Variants in CSMD1 observed in about 807,000 individuals in gnomAD.
CSMD1 encodes CUB and Sushi multiple domains 1.
In CSMD1, 213 loss-of-function variants were observed where a neutral mutation model predicts 417.5. The observed-to-expected ratio is 0.51, with a 90% CI of 0.46 to 0.57. CSMD1 has a LOEUF of 0.57. Among genes scored for constraint, CSMD1 ranks in the 20% least tolerant of loss-of-function variants. CSMD1 has a pLI of 0.00. For synonymous variants in CSMD1, 2,862 were observed against 1,736.8 expected (o/e 1.65, Z -16.11); for missense variants, 6,923 against 4,529.7 (o/e 1.53, Z -15.17).
At chr8:3,036,772 C>T (rs568933582) in intron 50 of CSMD1, among the ~76,000 whole-genome samples, 4 of 152,166 alleles carry the variant, frequency 2.6e-5, no homozygotes, top group African/African-American at 4.8e-5. Flanking sequence ...TTAAAAAACC[C>T]GTCCACCAAG....
chr8:4,353,685 A>T (rs538973420), intron 3 of CSMD1, among the ~76,000 whole-genome samples: 18 of 152,250 alleles, frequency 1.2e-4, no homozygotes, highest in Admixed American at 9.8e-4. Flanking sequence ...CTCAGAATTC[A>T]CAATCAGGCA....
At chr8:3,450,178 G>A (rs62505627) in intron 12 of CSMD1, among the ~76,000 whole-genome samples, 13,439 of 152,164 alleles carry the variant, frequency 0.088, 646 homozygotes, top group Middle Eastern at 0.14. Context: ...ACACTCAGGC[G>A]GCCTCCAGCC....
chr8:4,413,302 C>T (rs1054683205), intron 3 of CSMD1, among the ~76,000 whole-genome samples: 9 of 152,164 alleles, frequency 5.9e-5, no homozygotes, highest in African/African-American at 2.2e-4. Context: ...TCCTTGGGCT[C>T]TGTGCTTTTA....
intron 37 of CSMD1, among the ~76,000 whole-genome samples, chr8:3,178,658 G>C (rs763081262): frequency 1.3e-5 from 2 of 152,076 alleles, no homozygotes; most frequent in Non-Finnish European, 2.9e-5. Context: ...CAAAAATATA[G>C]GGCTGTTTTA....
intron 1 of CSMD1, among the ~76,000 whole-genome samples, chr8:4,981,006 T>C (rs1247656211): frequency 6.6e-6 from 1 of 152,212 alleles, no homozygotes; most frequent in African/African-American, 2.4e-5. Context: ...ACAATTATTA[T>C]TTCACTTAGA....
intron 20 of CSMD1, among the ~76,000 whole-genome samples, chr8:3,361,021 G>A (rs572292590): frequency 7.2e-5 from 11 of 152,074 alleles, no homozygotes; most frequent in African/African-American, 2.7e-4. Flanking sequence ...AATTATCTTT[G>A]CGTTTAGATA....
intron 5 of CSMD1, among the ~76,000 whole-genome samples, chr8:3,847,814 A>C (rs1430850715): frequency 2.6e-5 from 4 of 152,194 alleles, no homozygotes; most frequent in African/African-American, 9.7e-5. Flanking sequence ...ATAATTGCAC[A>C]TCAAACCTCA....
intron 5 of CSMD1, among the ~76,000 whole-genome samples, chr8:3,815,620 G>C (rs1487074668): frequency 1.1e-5 from 1 of 92,398 alleles, no homozygotes; most frequent in African/African-American, 4.5e-5. Flanking sequence ...ATCACTGCTA[G>C]ACTTTCTTTT....
intron 3 of CSMD1, among the ~76,000 whole-genome samples, chr8:4,039,528 T>A (rs937767917): frequency 6.6e-6 from 1 of 152,186 alleles, no homozygotes; most frequent in Admixed American, 6.6e-5. Flanking sequence ...TGACAAAGCA[T>A]TTATGACAAA....
At chr8:4,352,046 G>A (rs534496694) in intron 3 of CSMD1, among the ~76,000 whole-genome samples, 1 of 151,002 alleles carries the variant, frequency 6.6e-6, no homozygotes, top group African/African-American at 2.4e-5. Context: ...TTGTGTCCCA[G>A]TGTGGTCTAC....
At chr8:3,124,942 G>C (rs1195834887) in intron 41 of CSMD1, among the ~76,000 whole-genome samples, 1 of 152,300 alleles carries the variant, frequency 6.6e-6, no homozygotes, top group Non-Finnish European at 1.5e-5. Flanking sequence ...CACTAAGTAA[G>C]AGCATCAGTT....
chr8:3,789,900 T>G (rs1799641041), intron 5 of CSMD1, among the ~76,000 whole-genome samples: 1 of 151,822 alleles, frequency 6.6e-6, no homozygotes, highest in Non-Finnish European at 1.5e-5. Context: ...CCTGGCTAAT[T>G]TTTTGTATTT....
chr8:4,250,747 A>G (rs1283372881), intron 3 of CSMD1, among the ~76,000 whole-genome samples: 1 of 152,160 alleles, frequency 6.6e-6, no homozygotes, highest in Admixed American at 6.5e-5. Flanking sequence ...GCAAAGAAAA[A>G]CTGTAAATAT....
At chr8:3,391,855 G>C (rs1238092605) in intron 17 of CSMD1, among the ~76,000 whole-genome samples, 1 of 152,152 alleles carries the variant, frequency 6.6e-6, no homozygotes, top group African/African-American at 2.4e-5. Context: ...ATTTCAGAAA[G>C]CAAGGAGTGT....
At chr8:3,541,623 C>G (rs994917008) in intron 10 of CSMD1, among the ~76,000 whole-genome samples, 1 of 149,706 alleles carries the variant, frequency 6.7e-6, no homozygotes. Context: ...ATGATTTTTA[C>G]AGGTAGACGT....
chr8:4,488,556 A>C (rs1325707167), intron 2 of CSMD1, among the ~76,000 whole-genome samples: 2 of 152,114 alleles, frequency 1.3e-5, no homozygotes, highest in Non-Finnish European at 2.9e-5. Flanking sequence ...AGTCGGCAGC[A>C]GAGCCCCAAA....
chr8:3,657,399 G>A (rs1014872731), intron 7 of CSMD1, among the ~76,000 whole-genome samples: 1 of 152,008 alleles, frequency 6.6e-6, no homozygotes, highest in Admixed American at 6.6e-5. Context: ...GGTATCAAAG[G>A]TCTCAGGCAG....
chr8:4,117,092 T>A (rs1802198178), intron 3 of CSMD1, among the ~76,000 whole-genome samples: 1 of 151,898 alleles, frequency 6.6e-6, no homozygotes, highest in African/African-American at 2.4e-5. Flanking sequence ...CTACTCCCTT[T>A]TCCCCCTTGA....
At chr8:3,924,428 G>C (rs1265298517) in intron 5 of CSMD1, among the ~76,000 whole-genome samples, 1 of 152,082 alleles carries the variant, frequency 6.6e-6, no homozygotes, top group East Asian at 1.9e-4. Flanking sequence ...GATTTGGAAA[G>C]CTTTTGTCAT....
Sources: allele counts gnomAD v4.1 joint callset (sites outside exome capture counted in the v4.1 genomes callset), GRCh38; gene constraint gnomAD v4.1.1; transcripts MANE v1.5; gene names NCBI Gene and HGNC (gene_info 2026-07-23, HGNC 2026-07-21).